CX3CR1: variants seen among roughly 807,000 people sequenced by gnomAD.
CX3CR1 encodes the protein CX3C chemokine receptor 1.
For missense variants in CX3CR1, 363 were observed against 432.4 expected (o/e 0.84, Z 1.42); for synonymous variants, 168 against 178.5 (o/e 0.94, Z 0.47).
upstream of CX3CR1, among the ~76,000 whole-genome samples, chr3:39,283,802 TATATATATATATATA>T (rs2040926309): frequency 2.8e-5 from 1 of 35,878 alleles, no homozygotes; most frequent in African/African-American, 1.3e-4. Flanking sequence ...AAATTATATA[TATATATATATATATA>T]TATATATATA....
intron 1 of CX3CR1, among the ~76,000 whole-genome samples, chr3:39,268,148 G>A (rs963769402): frequency 5.9e-5 from 9 of 152,150 alleles, no homozygotes; most frequent in South Asian, 2.1e-4. Context: ...GTCACTTCTC[G>A]CTTCCCAGCC....
At chr3:39,278,875 ACCATGTTTT>A (rs1182353589) in intron 1 of CX3CR1, among the ~76,000 whole-genome samples, 2 of 152,022 alleles carry the variant, frequency 1.3e-5, no homozygotes, top group Non-Finnish European at 2.9e-5. Flanking sequence ...CTTTCTGAAG[ACCATGTTTT>A]CCACCCACAC....
At chr3:39,275,708 T>A (rs1165598587) in intron 1 of CX3CR1, among the ~76,000 whole-genome samples, 1 of 152,190 alleles carries the variant, frequency 6.6e-6, no homozygotes, top group Non-Finnish European at 1.5e-5. Context: ...GTGGAGAGAA[T>A]CTCTGTGTTG....
upstream of CX3CR1, among the ~76,000 whole-genome samples, chr3:39,284,762 C>T (rs73828196): frequency 9.5e-3 from 1,451 of 152,234 alleles, 22 homozygotes; most frequent in African/African-American, 0.031. Flanking sequence ...GAGTCCTAGG[C>T]CACACAGCTG....
intron 1 of CX3CR1, among the ~76,000 whole-genome samples, chr3:39,273,020 A>C (rs1425285450): frequency 1.3e-5 from 2 of 152,246 alleles, no homozygotes; most frequent in Non-Finnish European, 2.9e-5. Flanking sequence ...TTGTTCAAGG[A>C]AGCAAAAGAG....
At chr3:39,282,089 G>T (rs1359248269), upstream of CX3CR1, among the ~76,000 whole-genome samples, 1 of 152,188 alleles carries the variant, frequency 6.6e-6, no homozygotes, top group Non-Finnish European at 1.5e-5. Flanking sequence ...CGGTTATTTG[G>T]CCCTGAGCGA....
chr3:39,267,153 A>G (rs2040711205), intron 1 of CX3CR1, among the ~76,000 whole-genome samples: 1 of 151,710 alleles, frequency 6.6e-6, no homozygotes, highest in South Asian at 2.1e-4. Flanking sequence ...TCCAAAAGCT[A>G]GCTAGTTTGA....
intron 1 of CX3CR1, among the ~76,000 whole-genome samples, chr3:39,270,466 A>G (rs906580678): frequency 4.6e-5 from 7 of 152,210 alleles, no homozygotes; most frequent in Non-Finnish European, 1.0e-4. Context: ...CTTAAAAACC[A>G]AACAGTTTCT....
upstream of CX3CR1, chr3:39,281,119 C>T (rs1319375442): frequency 2.0e-6 from 2 of 996,342 alleles, no homozygotes; most frequent in South Asian, 4.4e-5. Flanking sequence ...CCTCCCCCAA[C>T]CCCAGGACAG....
At chr3:39,278,744 C>T (rs1246907917) in intron 1 of CX3CR1, among the ~76,000 whole-genome samples, 1 of 143,250 alleles carries the variant, frequency 7.0e-6, no homozygotes, top group African/African-American at 2.6e-5. Flanking sequence ...ACTCACAAAG[C>T]AAGGATTGCA....
chr3:39,278,449 CT>C (rs2040861686), intron 1 of CX3CR1, among the ~76,000 whole-genome samples: 1 of 152,138 alleles, frequency 6.6e-6, no homozygotes, highest in African/African-American at 2.4e-5. Context: ...CCTCAAGGCT[CT>C]CCAGCACAGG....
At chr3:39,281,421 C>A, upstream of CX3CR1, 1 of 762,800 alleles carries the variant, frequency 1.3e-6, no homozygotes, top group Middle Eastern at 2.5e-4. Flanking sequence ...CTGAGGGCTC[C>A]TTTCTTGGAT....
At chr3:39,286,565 G>A (rs1208200558), upstream of CX3CR1, 1 of 151,022 alleles carries the variant, frequency 6.6e-6, no homozygotes, top group African/African-American at 2.4e-5. Context: ...GCAGGAGAAT[G>A]GCGTGAACCC....
upstream of CX3CR1, among the ~76,000 whole-genome samples, chr3:39,284,073 C>T (rs762290012): frequency 6.6e-6 from 1 of 151,310 alleles, no homozygotes; most frequent in South Asian, 2.1e-4. Flanking sequence ...ATGTAACCTA[C>T]AAACATATAC....
chr3:39,270,148 G>T (rs540561960), intron 1 of CX3CR1, among the ~76,000 whole-genome samples: 26 of 152,318 alleles, frequency 1.7e-4, no homozygotes, highest in Admixed American at 2.6e-4. Flanking sequence ...CCTGGCAGGG[G>T]AGAAGAGTCA....
upstream of CX3CR1, chr3:39,280,427 T>C (rs1002288800): frequency 1.4e-5 from 14 of 984,838 alleles, 1 homozygote; most frequent in Non-Finnish European, 1.4e-5. Flanking sequence ...CACACAGCTC[T>C]TCTCCTCAAA....
upstream of CX3CR1, among the ~76,000 whole-genome samples, chr3:39,284,738 G>T (rs1213764205): frequency 1.3e-5 from 2 of 152,190 alleles, no homozygotes; most frequent in African/African-American, 4.8e-5. Context: ...ATGAAATGGG[G>T]AGAAAAGAGC....
At position 39,266,585 on chromosome 3, in the gene CX3CR1, G is replaced by A. The variant is rs1330807782; in HGVS notation, c.-9-67C>T. ...AGAAACAAAGTTGGAATTCTGTGTG[G>A]CCTCATATGTAGGCAGGCAGGAAGA... On this transcript the variant is annotated intron_variant, in intron 1 of 1. Transcript: ENST00000399220. The A allele has an allele frequency of 7.4e-6, 11 of 1,495,064 alleles. No individual in the cohort carries two copies. The East Asian group carries it at 2.5e-4, about 34-fold the overall frequency. 92.6% of individuals were successfully genotyped at this position (1,495,064 alleles called of 1,614,324 possible).
chr3:39,289,076 C>T, the CX3CR1 span, among the ~76,000 whole-genome samples: 1 of 151,990 alleles, frequency 6.6e-6, no homozygotes, highest in Non-Finnish European at 1.5e-5. Flanking sequence ...ATCACTTGAA[C>T]CCGGGAGGTG....
Sources: gnomAD v4.1 joint callset for allele counts (sites outside exome capture counted in the v4.1 genomes callset) on GRCh38, gnomAD v4.1.1 for gene constraint, MANE v1.5 for transcripts, NCBI Gene and HGNC (gene_info 2026-07-23, HGNC 2026-07-21) for gene names.